The following SAMD5 variants were observed in gnomAD, a reference collection of about 807,000 sequenced individuals.
SAMD5 encodes the protein sterile alpha motif domain-containing protein 5.
A neutral mutation model predicts 11.3 loss-of-function variants in SAMD5; 13 were observed. The observed-to-expected ratio is 1.15, with a 90% CI of 0.75 to 1.83. The LOEUF (loss-of-function observed/expected upper bound fraction) is 1.83. Among genes scored for constraint, SAMD5 ranks in the 40% most tolerant of loss-of-function variants. The pLI is 0.00. For synonymous variants in SAMD5, 129 were observed against 111.3 expected (o/e 1.16, Z -1.00); for missense variants, 255 against 239.1 (o/e 1.07, Z -0.44).
chr6:147,721,665 T>G (rs979221694), intron 1 of SAMD5, among the ~76,000 whole-genome samples: 6 of 152,232 alleles, frequency 3.9e-5, no homozygotes, highest in Non-Finnish European at 8.8e-5. Context: ...TTTACTCTGA[T>G]GGTAGTTTCT....
At chr6:147,634,974 T>C (rs1360878452) in intron 1 of SAMD5, among the ~76,000 whole-genome samples, 2 of 152,172 alleles carry the variant, frequency 1.3e-5, no homozygotes, top group African/African-American at 4.8e-5. Flanking sequence ...AGAAGGCTCA[T>C]AGATAGAGTG....
chr6:147,720,244 G>A (rs1393430965), intron 1 of SAMD5, among the ~76,000 whole-genome samples: 11 of 152,222 alleles, frequency 7.2e-5, no homozygotes, highest in African/African-American at 2.2e-4. Context: ...GGCGGATCAC[G>A]AGGTCAGGAG....
chr6:147,866,075 A>G, the SAMD5 span, among the ~76,000 whole-genome samples: 9 of 151,960 alleles, frequency 5.9e-5, no homozygotes, highest in African/African-American at 2.2e-4. Flanking sequence ...TTTAACATTA[A>G]TTTTTAAAAT....
At chr6:147,804,228 C>G in the SAMD5 span, among the ~76,000 whole-genome samples, 1,015 of 151,860 alleles carry the variant, frequency 6.7e-3, 33 homozygotes, top group Admixed American at 0.044. Context: ...CTGCCTCAGC[C>G]TCCCGAGTAG....
intron 1 of SAMD5, among the ~76,000 whole-genome samples, chr6:147,615,662 T>G (rs1371356500): frequency 6.6e-6 from 1 of 152,226 alleles, no homozygotes; most frequent in Non-Finnish European, 1.5e-5. Flanking sequence ...GAATTTGCCA[T>G]GCAAGTATTA....
intron 1 of SAMD5, among the ~76,000 whole-genome samples, chr6:147,655,773 A>T (rs566832539): frequency 6.6e-6 from 1 of 152,310 alleles, no homozygotes; most frequent in East Asian, 1.9e-4. Flanking sequence ...ATTGTGAAAA[A>T]GTGTGTTAAT....
chr6:147,554,597 A>G (rs1315260441), intron 1 of SAMD5, among the ~76,000 whole-genome samples: 1 of 151,754 alleles, frequency 6.6e-6, no homozygotes, highest in Admixed American at 6.5e-5. Flanking sequence ...TGTTTTTTCC[A>G]GGCAGAGCAG....
At chr6:147,822,234 C>T in the SAMD5 span, among the ~76,000 whole-genome samples, 3 of 152,156 alleles carry the variant, frequency 2.0e-5, no homozygotes, top group African/African-American at 4.8e-5. Context: ...CAATGTTTAA[C>T]AATCTGTTTC....
At chr6:147,928,651 C>G in the SAMD5 span, among the ~76,000 whole-genome samples, 3 of 151,862 alleles carry the variant, frequency 2.0e-5, no homozygotes, top group Non-Finnish European at 4.4e-5. Context: ...TTTTTCGTAT[C>G]TCAGTTTCCT....
At chr6:147,838,303 T>G in the SAMD5 span, among the ~76,000 whole-genome samples, 1 of 152,148 alleles carries the variant, frequency 6.6e-6, no homozygotes, top group Non-Finnish European at 1.5e-5. Context: ...GGTTGGAGAT[T>G]GAATAAGAAC....
At chr6:147,744,619 T>C in the SAMD5 span, among the ~76,000 whole-genome samples, 2 of 152,100 alleles carry the variant, frequency 1.3e-5, no homozygotes, top group Non-Finnish European at 2.9e-5. Context: ...AAACCCAGGC[T>C]GGGCGCGGTG....
At chr6:147,934,657 TTG>T in the SAMD5 span, among the ~76,000 whole-genome samples, 1 of 151,588 alleles carries the variant, frequency 6.6e-6, no homozygotes, top group African/African-American at 2.4e-5. Context: ...TGAGAGAGGA[TTG>T]AGAGAGAGAG....
chr6:147,645,740 G>A (rs1254321652), intron 1 of SAMD5, among the ~76,000 whole-genome samples: 2 of 152,166 alleles, frequency 1.3e-5, no homozygotes, highest in Non-Finnish European at 1.5e-5. Context: ...AGTGTCATAT[G>A]AGTTGAGTTG....
chr6:147,660,914 G>A (rs1052941483), intron 1 of SAMD5: 32 of 152,206 alleles, frequency 2.1e-4, no homozygotes, highest in African/African-American at 7.7e-4. Context: ...TAGGAACTGG[G>A]AAGTCAGGCA....
chr6:147,517,566 T>C (rs1788190620), intron 1 of SAMD5, among the ~76,000 whole-genome samples: 1 of 152,150 alleles, frequency 6.6e-6, no homozygotes. Flanking sequence ...ACAAAACTGA[T>C]TTTTTTAAAA....
the SAMD5 span, among the ~76,000 whole-genome samples, chr6:147,804,931 G>A: frequency 2.0e-5 from 3 of 152,206 alleles, no homozygotes; most frequent in African/African-American, 7.2e-5. Flanking sequence ...CAAACAAGAA[G>A]CTGAGATTAA....
chr6:147,687,380 T>G (rs1215537556), intron 1 of SAMD5, among the ~76,000 whole-genome samples: 1 of 150,144 alleles, frequency 6.7e-6, no homozygotes, highest in East Asian at 2.0e-4. Context: ...CCTCCCGGGT[T>G]CAAGTCCTAC....
intron 1 of SAMD5, among the ~76,000 whole-genome samples, chr6:147,592,690 C>T (rs1280991977): frequency 1.3e-5 from 2 of 151,790 alleles, no homozygotes; most frequent in East Asian, 3.9e-4. Flanking sequence ...AGATGCTTAG[C>T]ATTTCTATGC....
At chr6:147,858,853 T>C in the SAMD5 span, among the ~76,000 whole-genome samples, 1 of 152,234 alleles carries the variant, frequency 6.6e-6, no homozygotes, top group African/African-American at 2.4e-5. Context: ...GTGCCTACCA[T>C]GTGCCACGCA....
Sources: gnomAD v4.1 joint callset for allele counts (sites outside exome capture counted in the v4.1 genomes callset) on GRCh38, gnomAD v4.1.1 for gene constraint, MANE v1.5 for transcripts, NCBI Gene and HGNC (gene_info 2026-07-23, HGNC 2026-07-21) for gene names.